LANCL2: variants seen among roughly 807,000 people sequenced by gnomAD.
LANCL2 encodes the protein lanC-like protein 2.
A neutral mutation model predicts 56.9 loss-of-function variants in LANCL2; 33 were observed. The ratio of observed to expected loss-of-function variants is 0.58; its 90% confidence interval spans 0.44 to 0.78. LANCL2 has a LOEUF of 0.78. Among genes scored for constraint, LANCL2 ranks in the 30% least tolerant of loss-of-function variants. LANCL2 has a pLI of 0.00. For missense variants in LANCL2, 562 were observed against 580.2 expected (o/e 0.97, Z 0.32); for synonymous variants, 233 against 228.2 (o/e 1.02, Z -0.19).
At chr7:55,405,919 C>G (rs1790400878) in intron 5 of LANCL2, among the ~76,000 whole-genome samples, 1 of 152,158 alleles carries the variant, frequency 6.6e-6, no homozygotes, top group African/African-American at 2.4e-5. Context: ...GGGGAGCTGC[C>G]CGCATCTCTT....
chr7:55,393,523 C>A (rs972403744), intron 2 of LANCL2, among the ~76,000 whole-genome samples: 3 of 150,892 alleles, frequency 2.0e-5, no homozygotes, highest in Non-Finnish European at 2.9e-5. Context: ...AGGAGTGAGA[C>A]CCTGTCTCAA....
At chr7:55,394,485 A>C (rs1167775551) in intron 2 of LANCL2, among the ~76,000 whole-genome samples, 1 of 152,178 alleles carries the variant, frequency 6.6e-6, no homozygotes, top group East Asian at 1.9e-4. Flanking sequence ...GCTCAAGCCC[A>C]GGAGGTCGAG....
In LANCL2 at chr7:55,400,119, G is replaced by C. The variant is rs376426498; in HGVS notation, c.678+15G>C. The C allele has an allele frequency of 4.9e-5, 77 of 1,564,258 alleles. No individual in the cohort carries two copies. The Middle Eastern group carries it at 8.5e-4, about 17-fold the overall frequency. ...CTATTAAAGAGGTACTATGGGGTAT[G>C]GGTAACTATGGGCGTCTCTACCATT... On this transcript the variant is annotated intron_variant, in intron 4 of 8. Coordinates refer to ENST00000254770, the MANE Select transcript of LANCL2 (RefSeq NM_018697.4).
At chr7:55,382,325 T>G (rs1790078389) in intron 1 of LANCL2, among the ~76,000 whole-genome samples, 1 of 152,158 alleles carries the variant, frequency 6.6e-6, no homozygotes, top group Admixed American at 6.6e-5. Context: ...CATGGATATT[T>G]TAGAACTGAT....
chr7:55,384,412 T>C (rs544422283), intron 1 of LANCL2, among the ~76,000 whole-genome samples: 169 of 151,800 alleles, frequency 1.1e-3, no homozygotes, highest in African/African-American at 3.6e-3. Flanking sequence ...ATTAGCCGGG[T>C]GTGGTGGCGG....
intron 1 of LANCL2, among the ~76,000 whole-genome samples, chr7:55,384,393 C>T (rs1790102211): frequency 6.6e-6 from 1 of 151,800 alleles, no homozygotes; most frequent in African/African-American, 2.4e-5. Context: ...CTCTACTAAA[C>T]ATACAAAAAT....
chr7:55,401,587 C>T (rs1178853452), intron 5 of LANCL2, among the ~76,000 whole-genome samples: 2 of 77,498 alleles, frequency 2.6e-5, no homozygotes, highest in Non-Finnish European at 4.6e-5. Flanking sequence ...GGGTGTTTCT[C>T]GCAGAGGGGG....
chr7:55,369,374 TTTAG>T (rs1168883602), intron 1 of LANCL2, among the ~76,000 whole-genome samples: 1 of 152,208 alleles, frequency 6.6e-6, no homozygotes, highest in African/African-American at 2.4e-5. Context: ...TCTATCTCAT[TTTAG>T]TTTGGCTGCC....
At chr7:55,392,161 C>T (rs541286973) in intron 2 of LANCL2, among the ~76,000 whole-genome samples, 9 of 151,988 alleles carry the variant, frequency 5.9e-5, no homozygotes, top group Non-Finnish European at 8.8e-5. Flanking sequence ...GGTGTGGTGT[C>T]GGGCACCTGT....
chr7:55,379,681 T>C (rs1392032832), intron 1 of LANCL2: 2 of 152,680 alleles, frequency 1.3e-5, no homozygotes, highest in Non-Finnish European at 2.9e-5. Context: ...GAGGCCTAAG[T>C]TACTAACATG....
chr7:55,365,338 T>A lies in LANCL2; in HGVS notation c.-688T>A, dbSNP rs1242809278. 1.3e-5 allele frequency: 2 copies of A among 151,934 alleles called. No homozygotes were observed. Among genetic ancestry groups the A allele is most frequent in the East Asian group, 3.9e-4 (2 of 5,192 alleles). The allele number at this position is 151,934 out of a possible 1,614,324, so 9.4% of individuals were successfully genotyped here. ...TAGGAGGGACTGTCTCCCTCCCCCA[T>A]CCCTCGGAGACTAGCCTTGCAGTGT... On this transcript the variant is annotated 5_prime_UTR_variant, in exon 1 of 9. Coordinates refer to ENST00000254770, the MANE Select transcript of LANCL2 (RefSeq NM_018697.4).
At chr7:55,369,058 T>A (rs1219689051) in intron 1 of LANCL2, among the ~76,000 whole-genome samples, 1 of 152,126 alleles carries the variant, frequency 6.6e-6, no homozygotes, top group Non-Finnish European at 1.5e-5. Flanking sequence ...AGGCAGAGAT[T>A]GGAATTGCCA....
intron 1 of LANCL2, among the ~76,000 whole-genome samples, chr7:55,373,590 G>A (rs1411691403): frequency 2.0e-5 from 3 of 152,176 alleles, no homozygotes; most frequent in African/African-American, 7.2e-5. Context: ...GCAAGCCATT[G>A]CACCCAGGGA....
At chr7:55,405,504 T>TC (rs1235472288) in intron 5 of LANCL2, among the ~76,000 whole-genome samples, 6 of 151,534 alleles carry the variant, frequency 4.0e-5, no homozygotes, top group African/African-American at 1.5e-4. Flanking sequence ...TTTTTTTTTT[T>TC]TTTTTTGGGA....
intron 2 of LANCL2, among the ~76,000 whole-genome samples, chr7:55,395,410 A>G (rs914376338): frequency 1.3e-5 from 2 of 152,192 alleles, no homozygotes; most frequent in Non-Finnish European, 1.5e-5. Context: ...CAGTAAGAGC[A>G]TGTGAAATAA....
chr7:55,423,838 TAGC>T (rs1361862917), intron 6 of LANCL2, among the ~76,000 whole-genome samples: 2 of 152,236 alleles, frequency 1.3e-5, no homozygotes, highest in Admixed American at 1.3e-4. Flanking sequence ...GCCCACATCT[TAGC>T]AGCCTTTGTG....
intron 6 of LANCL2, among the ~76,000 whole-genome samples, chr7:55,413,244 A>G (rs929528223): frequency 3.3e-5 from 5 of 152,218 alleles, no homozygotes; most frequent in African/African-American, 2.4e-5. Flanking sequence ...GAGCAGTTAT[A>G]ACTTCAGTGT....
intron 6 of LANCL2, 102 bp downstream of exon 6, chr7:55,412,191 A>G: frequency 9.5e-7 from 1 of 1,052,560 alleles, no homozygotes. Context: ...TGTACACTAA[A>G]AACCTTTTAG....
intron 1 of LANCL2, among the ~76,000 whole-genome samples, chr7:55,381,369 A>G (rs949674625): frequency 6.6e-6 from 1 of 152,210 alleles, no homozygotes; most frequent in Non-Finnish European, 1.5e-5. Context: ...AATGAGGAAA[A>G]GGGATGAGCC....
Sources: gnomAD v4.1 joint callset for allele counts (sites outside exome capture counted in the v4.1 genomes callset) on GRCh38, gnomAD v4.1.1 for gene constraint, MANE v1.5 for transcripts, NCBI Gene and HGNC (gene_info 2026-07-23, HGNC 2026-07-21) for gene names.